PRCP: variants seen among roughly 807,000 people sequenced by gnomAD.
PRCP encodes lysosomal Pro-X carboxypeptidase.
PRCP carries 46 observed loss-of-function variants against 54.2 expected under a neutral mutation model. The observed-to-expected ratio is 0.85, with a 90% CI of 0.67 to 1.09. PRCP has a LOEUF of 1.09. PRCP is among the 50% of genes least tolerant of loss of function. PRCP has a pLI of 0.00. For synonymous variants in PRCP, 240 were observed against 212.2 expected (o/e 1.13, Z -1.14); for missense variants, 613 against 596.8 (o/e 1.03, Z -0.28).
chr11:82,871,559 G>A (rs1175575045), intron 1 of PRCP, among the ~76,000 whole-genome samples: 1 of 152,200 alleles, frequency 6.6e-6, no homozygotes, highest in Non-Finnish European at 1.5e-5. Flanking sequence ...CTGAGAGATA[G>A]AGGCTGGTAT....
intron 1 of PRCP, among the ~76,000 whole-genome samples, chr11:82,864,107 T>G (rs1357197221): frequency 6.6e-6 from 1 of 152,200 alleles, no homozygotes; most frequent in South Asian, 2.1e-4. Context: ...CTCCTCTCTA[T>G]CCCATTTGCA....
chr11:82,877,897 G>T (rs565531555), intron 1 of PRCP, among the ~76,000 whole-genome samples: 30 of 152,268 alleles, frequency 2.0e-4, no homozygotes, highest in African/African-American at 7.0e-4. Flanking sequence ...AGCTTGTACC[G>T]TGAGCCTGGA....
chr11:82,861,299 G>A (rs2121180944), intron 1 of PRCP, among the ~76,000 whole-genome samples: 1 of 152,266 alleles, frequency 6.6e-6, no homozygotes, highest in East Asian at 1.9e-4. Context: ...AGGAATGACA[G>A]AATTAGAATA....
At chr11:82,873,948 C>T (rs1859537643) in intron 1 of PRCP, among the ~76,000 whole-genome samples, 1 of 152,194 alleles carries the variant, frequency 6.6e-6, no homozygotes, top group Non-Finnish European at 1.5e-5. Context: ...AACTCAAATT[C>T]GCAGTCCTGA....
At chr11:82,839,928 A>G (rs1454660623) in intron 6 of PRCP, 2 of 158,818 alleles carry the variant, frequency 1.3e-5, no homozygotes, top group African/African-American at 2.4e-5. Flanking sequence ...CCTCCATTAT[A>G]CCCTGTACCT....
intron 6 of PRCP, chr11:82,839,752 C>T (rs1227290717): frequency 3.7e-6 from 1 of 270,788 alleles, no homozygotes; most frequent in African/African-American, 2.3e-5. Flanking sequence ...CCCCTTTGCC[C>T]TTTCTCACCC....
chr11:82,850,156 T>G, intron 4 of PRCP, 85 bp from the exon 5 acceptor site: 1 of 913,900 alleles, frequency 1.1e-6, no homozygotes, highest in East Asian at 3.4e-5. Context: ...AATCAAGTTT[T>G]AAAGTTGAAA....
intron 1 of PRCP, among the ~76,000 whole-genome samples, chr11:82,893,723 T>C (rs939258884): frequency 2.6e-5 from 4 of 152,152 alleles, no homozygotes; most frequent in Non-Finnish European, 4.4e-5. Context: ...AGCCCATAGG[T>C]TCAAGGCTCT....
At chr11:82,897,332 C>T (rs1860140622) in intron 1 of PRCP, among the ~76,000 whole-genome samples, 1 of 152,020 alleles carries the variant, frequency 6.6e-6, no homozygotes, top group Admixed American at 6.5e-5. Context: ...TGATGGTAGC[C>T]TTTGCTTTGT....
At chr11:82,844,203 T>G (rs982581293) in intron 6 of PRCP, among the ~76,000 whole-genome samples, 1 of 152,126 alleles carries the variant, frequency 6.6e-6, no homozygotes, top group Admixed American at 6.5e-5. Flanking sequence ...TATACACATT[T>G]TGCAAATGAG....
intron 6 of PRCP, among the ~76,000 whole-genome samples, chr11:82,845,449 G>C (rs1858786072): frequency 6.6e-6 from 1 of 151,778 alleles, no homozygotes. Context: ...ATTAGAGAAA[G>C]GATTAAGCAG....
chr11:82,837,146 G>A (rs1858548080), intron 8 of PRCP: 2 of 212,156 alleles, frequency 9.4e-6, no homozygotes, highest in Admixed American at 4.7e-5. Flanking sequence ...TGTGAAAGTT[G>A]TCCTTCTCAA....
At position 82,862,651 on chromosome 11, in the gene PRCP, C is replaced by T. The variant is rs1233030897; in HGVS notation, c.169-2534G>A. ...ACAAGTGTCTCAAAACTTTACCTAA[C>T]TGCAAACTTCCTGGTATCTATGATC... On this transcript the variant is annotated intron_variant, in intron 1 of 8. Transcript: ENST00000313010. Among the ~76,000 whole-genome samples, 7 of 152,230 alleles carry T rather than the reference C, an allele frequency of 4.6e-5. No homozygotes were observed. In the South Asian group the frequency reaches 1.2e-3, roughly 27 times the overall value.
chr11:82,830,024 G>A (rs1459183139), intron 8 of PRCP: 1 of 152,098 alleles, frequency 6.6e-6, no homozygotes, highest in Non-Finnish European at 1.5e-5. Context: ...ATGACTTTGG[G>A]TAAGTTACTG....
At chr11:82,825,158 T>TAG (rs1858194685) in intron 8 of PRCP, 36 bp from the exon 9 acceptor site, 1 of 1,550,348 alleles carries the variant, frequency 6.5e-7, no homozygotes, top group African/African-American at 1.4e-5. Context: ...ATAAAGTTGT[T>TAG]AGTTTTTCAT....
At chr11:82,849,027 T>C (rs1591047350) in intron 6 of PRCP, 22 bp downstream of exon 6, 8 of 1,602,272 alleles carry the variant, frequency 5.0e-6, no homozygotes, top group Non-Finnish European at 6.8e-6. Context: ...TAAAAAATGA[T>C]GACAGGACAT....
intron 1 of PRCP, among the ~76,000 whole-genome samples, chr11:82,876,860 G>A (rs967638532): frequency 2.6e-5 from 4 of 152,188 alleles, no homozygotes; most frequent in African/African-American, 9.7e-5. Context: ...ACCCGAAAAT[G>A]TGGAAGCAAA....
chr11:82,900,395 C>A lies in PRCP; in HGVS notation c.8G>T (p.Arg3Leu). Residue 3 changes from arginine (R) to leucine (L), a missense_variant, in exon 1 of 9, where the codon CGC becomes CTC. Transcript: ENST00000313010. MG[R>L]RALLLLLLSF... ...CAGAAGCAGGAGCAGGAGGGCTCGG[C>A]GGCCCATGGCTCAGGCTGGAGACTG... 6.2e-7 allele frequency: 1 copy of A among 1,613,372 alleles called. No homozygotes were observed. The highest frequency in any genetic ancestry group is 8.5e-7 in the Non-Finnish European group (1 of 1,179,830).
At chr11:82,885,441 A>C (rs1859841531) in intron 1 of PRCP, among the ~76,000 whole-genome samples, 1 of 152,200 alleles carries the variant, frequency 6.6e-6, no homozygotes, top group South Asian at 2.1e-4. Flanking sequence ...GAATAATACA[A>C]CTACAATCAT....
Sources: gnomAD v4.1 joint callset for allele counts (sites outside exome capture counted in the v4.1 genomes callset) on GRCh38, gnomAD v4.1.1 for gene constraint, MANE v1.5 for transcripts, NCBI Gene and HGNC (gene_info 2026-07-23, HGNC 2026-07-21) for gene names.